TTC7B: variants seen among roughly 807,000 people sequenced by gnomAD.
TTC7B encodes the protein tetratricopeptide repeat domain 7B.
TTC7B carries 28 observed loss-of-function variants against 106.8 expected under a neutral mutation model. The observed-to-expected ratio is 0.26, with a 90% confidence interval of 0.19 to 0.36. The LOEUF is 0.36. Among genes scored for constraint, TTC7B ranks in the 10% least tolerant of loss-of-function variants. The pLI is 1.00. For missense variants in TTC7B, 862 were observed against 1,076.4 expected, an observed-to-expected ratio of 0.80 and a Z score of 2.79; for synonymous variants, 405 against 430.6, an observed-to-expected ratio of 0.94 and a Z score of 0.74.
intron 17 of TTC7B, among the ~76,000 whole-genome samples, chr14:90,596,739 G>A (rs545148958): frequency 2.1e-4 from 32 of 152,354 alleles, no homozygotes; most frequent in Admixed American, 1.3e-3. Context: ...ATTAGACCGT[G>A]TGGGTCTAGA....
chr14:90,555,678 C>T (rs755463746), intron 19 of TTC7B, among the ~76,000 whole-genome samples: 4 of 152,262 alleles, frequency 2.6e-5, no homozygotes, highest in Admixed American at 1.3e-4. Context: ...GGTGATTTTG[C>T]GAGTCAGGAA....
At chr14:90,762,815 A>G (rs544417729) in intron 3 of TTC7B, among the ~76,000 whole-genome samples, 2 of 152,252 alleles carry the variant, frequency 1.3e-5, no homozygotes, top group African/African-American at 4.8e-5. Context: ...AAGGGCTCCA[A>G]TGAAAACATA....
chr14:90,684,751 G>A (rs367995492), intron 7 of TTC7B, among the ~76,000 whole-genome samples: 4 of 152,172 alleles, frequency 2.6e-5, no homozygotes, highest in East Asian at 1.9e-4. Flanking sequence ...ACGGGAGGGC[G>A]TGTAGGGCTC....
At chr14:90,547,041 T>C (rs1381417420) in intron 19 of TTC7B, among the ~76,000 whole-genome samples, 1 of 152,150 alleles carries the variant, frequency 6.6e-6, no homozygotes, top group Non-Finnish European at 1.5e-5. Context: ...GCACACAGAC[T>C]TCCACCTTCC....
chr14:90,746,369 C>T (rs1036037283), intron 3 of TTC7B, among the ~76,000 whole-genome samples: 1 of 152,152 alleles, frequency 6.6e-6, no homozygotes, highest in Non-Finnish European at 1.5e-5. Context: ...TGGTATAGAG[C>T]TGTCCATAAT....
chr14:90,587,917 T>C (rs962424219), intron 18 of TTC7B, among the ~76,000 whole-genome samples: 14 of 152,212 alleles, frequency 9.2e-5, no homozygotes, highest in Non-Finnish European at 1.9e-4. Flanking sequence ...TCTTCACCTA[T>C]GGAATGGGGT....
intron 6 of TTC7B, among the ~76,000 whole-genome samples, chr14:90,694,696 A>T (rs1417025388): frequency 1.4e-5 from 2 of 142,768 alleles, no homozygotes; most frequent in African/African-American, 5.0e-5. Context: ...TTATTATAAA[A>T]TATATTTTAT....
intron 1 of TTC7B, among the ~76,000 whole-genome samples, chr14:90,795,439 G>C (rs1339848220): frequency 6.6e-6 from 1 of 152,216 alleles, no homozygotes; most frequent in East Asian, 1.9e-4. Context: ...GCACACAGCT[G>C]GTCGTGGAGC....
chr14:90,792,871 G>A (rs983064734), intron 1 of TTC7B, among the ~76,000 whole-genome samples: 6 of 152,168 alleles, frequency 3.9e-5, no homozygotes, highest in Admixed American at 1.3e-4. Context: ...GGTATGGCAT[G>A]CCCTACTCGT....
At chr14:90,645,021 T>C (rs776933258) in intron 14 of TTC7B, 4 of 152,228 alleles carry the variant, frequency 2.6e-5, no homozygotes, top group Non-Finnish European at 4.4e-5. Flanking sequence ...CTGGATTCCA[T>C]GCAGGTTTGG....
At chr14:90,581,236 C>G (rs1183837681) in intron 18 of TTC7B, among the ~76,000 whole-genome samples, 1 of 152,220 alleles carries the variant, frequency 6.6e-6, no homozygotes. Flanking sequence ...GCACTGAGCC[C>G]TGAAGGTGAC....
chr14:90,747,170 T>C lies in TTC7B; in HGVS notation c.446-2248A>G, dbSNP rs74082403. On this transcript the variant is annotated intron_variant, in intron 3 of 19. Coordinates refer to ENST00000328459, the MANE Select transcript of TTC7B (RefSeq NM_001010854.2). ...CAGTAACATGGGTGCTCCATGCCTA[T>C]GTGACTGACCCCTAACAAAATCCCT... Among the ~76,000 whole-genome samples the C allele has an allele frequency of 3.8e-3, 584 of 152,324 alleles. 2 individuals carry two copies. Among genetic ancestry groups the C allele is most frequent in the African/African-American group, 0.014 (565 of 41,570 alleles).
chr14:90,550,245 G>T (rs1402494441), intron 19 of TTC7B, among the ~76,000 whole-genome samples: 2 of 152,196 alleles, frequency 1.3e-5, no homozygotes, highest in African/African-American at 2.4e-5. Flanking sequence ...GTTCTGACTG[G>T]TTTAGTAAGA....
chr14:90,738,200 T>G (rs996763244), intron 4 of TTC7B, among the ~76,000 whole-genome samples: 6 of 152,316 alleles, frequency 3.9e-5, no homozygotes, highest in Admixed American at 3.9e-4. Context: ...AAATGTGAAC[T>G]AAACTTGCAA....
intron 10 of TTC7B, 171 bp downstream of exon 10, chr14:90,658,133 G>A (rs1190953907): frequency 1.6e-6 from 1 of 616,692 alleles, no homozygotes; most frequent in Non-Finnish European, 2.9e-6. Context: ...GTCCATCTTG[G>A]CTCCCCAAAC....
Position 90,575,124 on chromosome 14 carries a change from C to CTCTCA in TTC7B, c.2310+2977_2310+2981dup, listed in dbSNP as rs1440220501. ...CTGGGGCTTGACCTGGTAAGACAGC[C>CTCTCA]TCTCATCTCCCTGCTGACACCTTCC... On this transcript the variant is annotated intron_variant, in intron 19 of 19. Coordinates refer to ENST00000328459, the MANE Select transcript of TTC7B (RefSeq NM_001010854.2). This position sits in a 1 kb window ranked among gnomAD's most constrained non-coding sequence, Gnocchi z 5.2. Among the ~76,000 whole-genome samples the CTCTCA allele has an allele frequency of 2.0e-5, 3 of 152,348 alleles. No homozygotes were observed. The East Asian group carries it at 5.8e-4, about 29-fold the overall frequency.
Position 90,802,448 on chromosome 14 carries a change from G to C in TTC7B, c.121+13727C>G, listed in dbSNP as rs1339457065. On this transcript the variant is annotated intron_variant, in intron 1 of 19. Coordinates refer to ENST00000328459, the MANE Select transcript of TTC7B (RefSeq NM_001010854.2). This position sits in a 1 kb window ranked among gnomAD's most constrained non-coding sequence, Gnocchi z 4.7. ...GGAGCCGCTGGCCTCTGAAGGGAGT[G>C]AGGGCTCCAAGCAGTGACAGAGGGC... Among the ~76,000 whole-genome samples, 1 of 152,110 alleles carries C rather than the reference G, an allele frequency of 6.6e-6. No individual in the cohort carries two copies. Among genetic ancestry groups the C allele is most frequent in the African/African-American group, 2.4e-5 (1 of 41,448 alleles).
chr14:90,574,471 C>G (rs530302479), intron 19 of TTC7B, among the ~76,000 whole-genome samples: 4 of 152,316 alleles, frequency 2.6e-5, no homozygotes, highest in African/African-American at 9.6e-5. Context: ...TCTCTGCTCC[C>G]TTCTCACTAC....
At position 90,577,172 on chromosome 14, in the gene TTC7B, C is replaced by T. The variant is rs1297837810; in HGVS notation, c.2310+934G>A. Among the ~76,000 whole-genome samples the T allele has an allele frequency of 1.3e-5, 2 of 152,168 alleles. No individual in the cohort carries two copies. The highest frequency in any genetic ancestry group is 2.4e-5 in the African/African-American group (1 of 41,446). On this transcript the variant is annotated intron_variant, in intron 19 of 19. Coordinates refer to ENST00000328459, the MANE Select transcript of TTC7B (RefSeq NM_001010854.2). The surrounding 1 kb of genome is among the most constrained non-coding windows in gnomAD (Gnocchi z 5.0). The stretch of plus-strand genomic sequence containing the variant: ...TCTTTCCTGCGGTTCATGACATCAG[C>T]GATGTCTACTGCTAAAAATGAAACA...
Sources: allele counts gnomAD v4.1 joint callset (sites outside exome capture counted in the v4.1 genomes callset), GRCh38; gene constraint gnomAD v4.1.1; non-coding constraint Gnocchi (gnomAD v3.1); transcripts MANE v1.5; gene names NCBI Gene and HGNC (gene_info 2026-07-23, HGNC 2026-07-21).